AKT1: variants seen among roughly 807,000 people sequenced by gnomAD.
The protein encoded by AKT1 is RAC-alpha serine/threonine-protein kinase.
AKT1 carries 21 observed loss-of-function variants against 63.1 expected under a neutral mutation model. The ratio of observed to expected loss-of-function variants is 0.33; its 90% CI spans 0.24 to 0.48. The LOEUF (loss-of-function observed/expected upper bound fraction) is 0.48. Ranked by LOEUF, AKT1 falls within the 20% of genes least tolerant of loss-of-function variation. AKT1 has a pLI of 0.99. For missense variants in AKT1, 382 were observed against 666.0 expected (o/e 0.57, Z 4.69); for synonymous variants, 257 against 253.1 (o/e 1.02, Z -0.15).
rs1456386277 is a variant in AKT1 at position 104,769,464 on chromosome 14, A to AGCGTCT, written c.*871_*876dup. Reference sequence around the variant, plus strand: ...AACGCCGTGGTGCAGCGGCAGCGGCAGCGTCTGGCCAGGAGGCGTGGAGGG... The same window carrying AGCGTCT: ...AACGCCGTGGTGCAGCGGCAGCGGCAGCGTCTGCGTCTGGCCAGGAGGCGTGGAGGG... On this transcript the variant is annotated 3_prime_UTR_variant, in exon 15 of 15. Transcript: ENST00000649815. 11 of 451,690 alleles carry AGCGTCT rather than the reference A, an allele frequency of 2.4e-5. No homozygotes were observed. Among genetic ancestry groups the AGCGTCT allele is most frequent in the African/African-American group, 2.3e-4 (11 of 48,770 alleles). The allele number at this position is 451,690 out of a possible 1,614,324, so 28.0% of individuals were successfully genotyped here. A position where few individuals can be genotyped will look rare whatever the true frequency, so the allele number is the denominator to read the frequency against.
At chr14:104,773,656 A>C in intron 9 of AKT1, 76 bp from the exon 10 acceptor site, 1 of 1,537,136 alleles carries the variant, frequency 6.5e-7, no homozygotes, top group Non-Finnish European at 8.8e-7. Context: ...GGGGTTTCTC[A>C]GACCGGGTCT....
intron 4 of AKT1, chr14:104,777,256 A>C: frequency 4.8e-6 from 1 of 206,364 alleles, no homozygotes; most frequent in Non-Finnish European, 1.0e-5. Flanking sequence ...GCACACCCAC[A>C]CCTGGGGCAC....
chr14:104,772,795 A>G, intron 12 of AKT1, 83 bp downstream of exon 12: 8 of 1,431,272 alleles, frequency 5.6e-6, no homozygotes, highest in Non-Finnish European at 7.5e-6. Context: ...GGGAGGTGCC[A>G]GGACCGCCTG....
At chr14:104,777,662 C>T (rs1892808103) in intron 4 of AKT1, 1 of 986,362 alleles carries the variant, frequency 1.0e-6, no homozygotes, top group Admixed American at 6.1e-5. Context: ...TGTGTAGCCG[C>T]TGGGGCTCCG....
At chr14:104,791,266 T>C (rs1259993062) in intron 3 of AKT1, among the ~76,000 whole-genome samples, 1 of 149,780 alleles carries the variant, frequency 6.7e-6, no homozygotes, top group African/African-American at 2.5e-5. Context: ...GGGCAGGGGG[T>C]CCCTGACACC....
chr14:104,774,899 T>G, intron 8 of AKT1, 39 bp downstream of exon 8: 1 of 1,591,038 alleles, frequency 6.3e-7, no homozygotes. Flanking sequence ...AGTCGCTACC[T>G]GGCCCCAGCC....
chr14:104,775,429 A>G (rs190066902), intron 6 of AKT1: 17 of 1,084,998 alleles, frequency 1.6e-5, no homozygotes, highest in Non-Finnish European at 2.2e-5. Flanking sequence ...GGGTGGGGTA[A>G]CATTGCCCAA....
intron 4 of AKT1, chr14:104,777,760 C>T (rs1328774117): frequency 4.0e-5 from 39 of 985,358 alleles, no homozygotes; most frequent in Middle Eastern, 1.0e-3. Context: ...GAGGCCCTGG[C>T]AACCACAAGG....
chr14:104,771,840 G>C (rs962898139), intron 13 of AKT1: 4 of 239,660 alleles, frequency 1.7e-5, no homozygotes, highest in African/African-American at 6.6e-5. Flanking sequence ...ACCCAGGATG[G>C]CGACTCATGC....
chr14:104,770,633 T>C (rs1461679262), intron 14 of AKT1, 112 bp downstream of exon 14: 1 of 1,117,692 alleles, frequency 8.9e-7, no homozygotes, highest in Non-Finnish European at 1.3e-6. Flanking sequence ...AAAAGGAACC[T>C]TTTTAAATAT....
chr14:104,779,670 T>C (rs796205801), intron 4 of AKT1, among the ~76,000 whole-genome samples: 93 of 50,242 alleles, frequency 1.9e-3, no homozygotes, highest in South Asian at 0.011. Context: ...CAGAAACCCC[T>C]GCCCAGCCGG....
At chr14:104,780,803 G>A (rs1358835841) in intron 3 of AKT1, among the ~76,000 whole-genome samples, 3 of 151,664 alleles carry the variant, frequency 2.0e-5, no homozygotes, top group Non-Finnish European at 2.9e-5. Context: ...GGCCGGGCTC[G>A]CGGGACAGGA....
At chr14:104,776,595 C>G in intron 5 of AKT1, 64 bp downstream of exon 5, 1 of 1,427,672 alleles carries the variant, frequency 7.0e-7, no homozygotes, top group Non-Finnish European at 9.7e-7. Context: ...CCCCGCCATC[C>G]CCGTGTCCCT....
chr14:104,776,015 G>A (rs908528540), intron 5 of AKT1: 9 of 534,520 alleles, frequency 1.7e-5, no homozygotes, highest in Non-Finnish European at 2.6e-5. Flanking sequence ...TAGCCCCCCA[G>A]CAGGACTCTG....
chr14:104,775,784 G>A lies in AKT1; in HGVS notation c.303C>T (p.Thr101=), dbSNP rs750890213. The change falls in exon 6 of 15, where the codon ACC becomes ACT. Residue 101 remains threonine, a synonymous_variant. Transcript: ENST00000649815. Reference sequence around the variant, plus strand: ...GGCCGTCAGCCACAGTCTGGATGGCGGTTGTCCACTCCTCCCTGCAGGAGG... The same window carrying A: ...GGCCGTCAGCCACAGTCTGGATGGCAGTTGTCCACTCCTCCCTGCAGGAGG... ...ETPEEREEWT[T]AIQTVADGLK... The A allele has an allele frequency of 1.2e-5, 20 of 1,613,796 alleles. No homozygotes were observed. Among genetic ancestry groups the A allele is most frequent in the Middle Eastern group, 1.6e-4 (1 of 6,082 alleles).
At chr14:104,793,420 C>G (rs1893726496) in intron 1 of AKT1, 116 bp from the exon 2 acceptor site, 2 of 207,864 alleles carry the variant, frequency 9.6e-6, no homozygotes, top group East Asian at 1.4e-4. Context: ...GGGAGAAACC[C>G]CAGGCCCCTC....
Position 104,771,929 on chromosome 14 carries a change from G to A in AKT1, c.1260+436C>T, listed in dbSNP as rs189534725. ...TGCTGTCCCTGTCCCTGCACAGCCA[G>A]AAATAGGGCTGGGCTCTCCTTGCGG... is the stretch of plus-strand genomic sequence containing the variant. On this transcript the variant is annotated intron_variant, in intron 13 of 14. Transcript: ENST00000649815. 2,077 of 293,782 alleles carry A rather than the reference G, an allele frequency of 7.1e-3. 10 individuals carry two copies. The highest frequency in any genetic ancestry group is 0.011 in the Non-Finnish European group (1,678 of 154,860). The allele number at this position is 293,782 out of a possible 1,614,324, so 18.2% of individuals were successfully genotyped here.
In AKT1 at chr14:104,780,090, G is replaced by A. The variant is rs1892948595; in HGVS notation, c.173C>T (p.Ala58Val). Reference protein sequence around the residue: ...REAPLNNFSVAQCQLMKTERP... With the variant: ...REAPLNNFSVVQCQLMKTERP... The stretch of plus-strand genomic sequence containing the variant: ...CGAGAGGCCAAGGGGATACTTACGC[G>A]CCACAGAGAAGTTGTTGAGGGGAGC... Residue 58 changes from alanine to valine, a missense_variant and splice_region_variant, in exon 4 of 15, where the codon GCG (alanine) becomes GTG (valine). By Grantham distance (64) the Ala-to-Val change is moderately conservative. Transcript: ENST00000649815. The A allele has an allele frequency of 9.9e-6, 16 of 1,613,290 alleles. No homozygotes were observed. Among genetic ancestry groups the A allele is most frequent in the Non-Finnish European group, 1.3e-5 (15 of 1,179,772 alleles).
intron 3 of AKT1, among the ~76,000 whole-genome samples, chr14:104,780,520 T>C (rs1190457431): frequency 6.6e-6 from 1 of 151,928 alleles, no homozygotes; most frequent in African/African-American, 2.4e-5. Context: ...TGGGAAGAGG[T>C]CTGGGCCAGT....
Sources: gnomAD v4.1 joint callset for allele counts (sites outside exome capture counted in the v4.1 genomes callset) on GRCh38, gnomAD v4.1.1 for gene constraint, MANE v1.5 for transcripts, NCBI Gene and HGNC (gene_info 2026-07-23, HGNC 2026-07-21) for gene names.